Variants in SNAP91 observed in about 807,000 individuals in gnomAD.
The protein encoded by SNAP91 is synaptosome associated protein 91.
A neutral mutation model predicts 100.3 loss-of-function variants in SNAP91; 27 were observed. The ratio of observed to expected loss-of-function variants is 0.27; its 90% CI spans 0.20 to 0.37. The LOEUF is 0.37. Ranked by LOEUF, SNAP91 falls within the 10% of genes least tolerant of loss-of-function variation. The pLI, the probability that SNAP91 is intolerant of heterozygous loss-of-function variation, is 1.00. For synonymous variants in SNAP91, 404 were observed against 398.6 expected (o/e 1.01, Z -0.16); for missense variants, 986 against 1,123.7 (o/e 0.88, Z 1.75).
intron 2 of SNAP91, among the ~76,000 whole-genome samples, chr6:83,691,908 G>C (rs931081954): frequency 6.6e-6 from 1 of 152,110 alleles, no homozygotes; most frequent in Non-Finnish European, 1.5e-5. Context: ...ATTTTTATTT[G>C]ATTTTAGGAG....
chr6:83,571,408 G>A (rs1395316548), intron 26 of SNAP91, among the ~76,000 whole-genome samples: 2 of 152,116 alleles, frequency 1.3e-5, no homozygotes, highest in Non-Finnish European at 2.9e-5. Context: ...TGGCCCGGGA[G>A]CCCACCTCTT....
intron 2 of SNAP91, among the ~76,000 whole-genome samples, chr6:83,707,298 T>A (rs1230791653): frequency 1.3e-5 from 2 of 151,742 alleles, no homozygotes; most frequent in African/African-American, 4.8e-5. Flanking sequence ...ACAAAAACAA[T>A]CCTCAGGAGC....
chr6:83,626,079 A>G (rs538897722), intron 8 of SNAP91, among the ~76,000 whole-genome samples: 3 of 152,186 alleles, frequency 2.0e-5, no homozygotes, highest in African/African-American at 7.2e-5. Context: ...GCATATGGCT[A>G]GCCAGTTTTC....
At chr6:83,588,291 AAG>A (rs2093139681) in intron 22 of SNAP91, among the ~76,000 whole-genome samples, 1 of 152,230 alleles carries the variant, frequency 6.6e-6, no homozygotes. Flanking sequence ...TTAAATAGAA[AAG>A]AGAGAAATAA....
chr6:83,663,771 T>C (rs1016758467), intron 3 of SNAP91, among the ~76,000 whole-genome samples: 1 of 152,108 alleles, frequency 6.6e-6, no homozygotes, highest in Non-Finnish European at 1.5e-5. Context: ...GGTGGCTACA[T>C]GAAACAGATT....
At chr6:83,595,724 T>C (rs1351992135) in intron 16 of SNAP91, among the ~76,000 whole-genome samples, 1 of 152,186 alleles carries the variant, frequency 6.6e-6, no homozygotes, top group Admixed American at 6.5e-5. Context: ...GAAAATAACA[T>C]GTCATATATA....
At chr6:83,627,402 T>C (rs942291032) in intron 8 of SNAP91, among the ~76,000 whole-genome samples, 6 of 152,100 alleles carry the variant, frequency 3.9e-5, no homozygotes, top group African/African-American at 1.4e-4. Context: ...TCTCAATTCA[T>C]TGAAATAGTT....
intron 5 of SNAP91, among the ~76,000 whole-genome samples, chr6:83,659,592 T>C (rs2098492057): frequency 6.6e-6 from 1 of 151,946 alleles, no homozygotes; most frequent in South Asian, 2.1e-4. Flanking sequence ...ACCCGGTTAA[T>C]TTTTAAAAAA....
rs56103542 is a variant in SNAP91, at chr6:83,695,276, CAAAAAAAAAAAAA to C, written c.130+12509_130+12521del. Among the ~76,000 whole-genome samples, 5 of 67,300 alleles carry C rather than the reference CAAAAAAAAAAAAA, an allele frequency of 7.4e-5. No homozygotes were observed. In the South Asian group the frequency reaches 3.2e-3, roughly 43 times the overall value. 44.2% of individuals were successfully genotyped at this position (67,300 alleles called of 152,430 possible). On this transcript the variant is annotated intron_variant, in intron 2 of 29. Coordinates refer to ENST00000369694, the MANE Select transcript of SNAP91 (RefSeq NM_001242792.2). ...TGGGTAACAGAGTGAGGCTCCATCT[CAAAAAAAAAAAAA>C]AAAAAAAAAAAGAGAAAAGAAAAAG...
chr6:83,697,326 A>G (rs1246084861), intron 2 of SNAP91, among the ~76,000 whole-genome samples: 1 of 107,288 alleles, frequency 9.3e-6, no homozygotes, highest in Admixed American at 9.3e-5. Flanking sequence ...AAATAGCTGC[A>G]CACACACACA....
chr6:83,586,637 A>G (rs535759674), intron 22 of SNAP91, among the ~76,000 whole-genome samples: 1 of 152,354 alleles, frequency 6.6e-6, no homozygotes, highest in Admixed American at 6.5e-5. Flanking sequence ...AGAGTTTGAC[A>G]GCTTTACTCT....
At chr6:83,680,190 C>CA (rs2098968788) in intron 2 of SNAP91, among the ~76,000 whole-genome samples, 1 of 152,070 alleles carries the variant, frequency 6.6e-6, no homozygotes, top group East Asian at 1.9e-4. Flanking sequence ...ACTTCCCCCC[C>CA]ATTCATACCT....
At chr6:83,691,624 T>C (rs1488024610) in intron 2 of SNAP91, among the ~76,000 whole-genome samples, 1 of 152,108 alleles carries the variant, frequency 6.6e-6, no homozygotes, top group African/African-American at 2.4e-5. Context: ...CGTCTTCAGC[T>C]CCAACCTAAG....
chr6:83,570,857 T>C (rs1463781163), intron 26 of SNAP91, among the ~76,000 whole-genome samples: 5 of 152,094 alleles, frequency 3.3e-5, no homozygotes, highest in Non-Finnish European at 7.4e-5. Flanking sequence ...AGAACCTCTG[T>C]TAGGGCAGTG....
intron 2 of SNAP91, among the ~76,000 whole-genome samples, chr6:83,677,042 C>G (rs2098917931): frequency 6.6e-6 from 1 of 152,154 alleles, no homozygotes; most frequent in Non-Finnish European, 1.5e-5. Context: ...TGTACACTCT[C>G]TGGAAAAAGG....
At chr6:83,629,128 C>T (rs745614187) in intron 8 of SNAP91, among the ~76,000 whole-genome samples, 3 of 152,040 alleles carry the variant, frequency 2.0e-5, no homozygotes, top group African/African-American at 7.2e-5. Flanking sequence ...GTTGTCCTTC[C>T]CCCACTTTGT....
chr6:83,614,206 C>A (rs1279824410), intron 11 of SNAP91, among the ~76,000 whole-genome samples: 1 of 152,128 alleles, frequency 6.6e-6, no homozygotes, highest in Non-Finnish European at 1.5e-5. Flanking sequence ...AAAGATTTAT[C>A]TTAAATTTCC....
chr6:83,690,318 C>T (rs1352273225), intron 2 of SNAP91: 5 of 1,256,868 alleles, frequency 4.0e-6, no homozygotes, highest in Non-Finnish European at 5.1e-6. Context: ...TCTCCTTTAG[C>T]ACAACTTTTT....
intron 23 of SNAP91, 54 bp downstream of exon 23, chr6:83,582,168 C>CTTTTT: frequency 6.3e-7 from 1 of 1,588,954 alleles, no homozygotes; most frequent in Non-Finnish European, 8.6e-7. Flanking sequence ...TTAGGTAGTA[C>CTTTTT]TTTTTTTTAT....
Sources: gnomAD v4.1 joint callset for allele counts (sites outside exome capture counted in the v4.1 genomes callset) on GRCh38, gnomAD v4.1.1 for gene constraint, MANE v1.5 for transcripts, NCBI Gene and HGNC (gene_info 2026-07-23, HGNC 2026-07-21) for gene names.